Variants in BAD observed in about 807,000 individuals in gnomAD.
BAD encodes bcl2-associated agonist of cell death.
Under a neutral mutation model 17.8 loss-of-function variants are expected in BAD, and 18 were observed. The observed-to-expected ratio is 1.01, with a 90% CI of 0.70 to 1.50. The LOEUF is 1.50. Among genes scored for constraint, BAD ranks in the 40% most tolerant of loss-of-function variants. BAD has a pLI of 0.00. For synonymous variants in BAD, 112 were observed against 91.5 expected (o/e 1.22, Z -1.28); for missense variants, 294 against 239.3 (o/e 1.23, Z -1.51).
chr11:64,276,757 G>A (rs1399877777), intron 2 of BAD: 10 of 592,380 alleles, frequency 1.7e-5, no homozygotes, highest in African/African-American at 1.7e-4. Context: ...GGGAAGGGAA[G>A]GGGTGTGGCT....
Position 64,269,944 on chromosome 11 carries a change from G to T in BAD, c.*265C>A. 1 of 721,388 alleles carries T rather than the reference G, an allele frequency of 1.4e-6. No homozygotes were observed. The highest frequency in any genetic ancestry group is 2.4e-6 in the Non-Finnish European group (1 of 408,538). 44.7% of individuals were successfully genotyped at this position (721,388 alleles called of 1,614,324 possible). On this transcript the variant is annotated 3_prime_UTR_variant, in exon 4 of 4. Transcript: ENST00000309032. ...TAAACCTGGCTCGCGACTTAGCGCA[G>T]GCGCCTGGGGGAAAGCCCGGAGCCT... is the stretch of plus-strand genomic sequence containing the variant.
intron 2 of BAD, among the ~76,000 whole-genome samples, chr11:64,272,302 G>C (rs1297619050): frequency 6.6e-6 from 1 of 151,316 alleles, no homozygotes; most frequent in Non-Finnish European, 1.5e-5. Context: ...CTGGGCGACA[G>C]GCTTTTTTTC....
At chr11:64,278,397 A>AAT (rs1290934070) in intron 2 of BAD, among the ~76,000 whole-genome samples, 12 of 148,180 alleles carry the variant, frequency 8.1e-5, no homozygotes, top group East Asian at 2.0e-4. Flanking sequence ...TTTATATATA[A>AAT]ATATATATAT....
rs981928957 is a variant in BAD at position 64,284,652 on chromosome 11, C to T, written c.-30G>A. 59 of 1,533,680 alleles carry T rather than the reference C, an allele frequency of 3.8e-5. No homozygotes were observed. Among genetic ancestry groups the T allele is most frequent in the African/African-American group, 1.1e-4 (8 of 73,012 alleles). On this transcript the variant is annotated 5_prime_UTR_variant, in exon 1 of 4. Coordinates refer to ENST00000309032, the MANE Select transcript of BAD (RefSeq NM_032989.3). Reference sequence around the variant, plus strand: ...TCACCCCAAGCCCGATCTCGAGGCCCCTGACCCGGGCCTGCCGCCTCCCTC... The same window carrying T: ...TCACCCCAAGCCCGATCTCGAGGCCTCTGACCCGGGCCTGCCGCCTCCCTC...
chr11:64,270,104 C>A lies in BAD; in HGVS notation c.*105G>T. ...AGCCCTCCCTCCAAAGGAGACAGCA[C>A]GGATCCTCTTTTTGCATAGGCCTGA... On this transcript the variant is annotated 3_prime_UTR_variant, in exon 4 of 4. Transcript: ENST00000309032. 6.4e-7 allele frequency: 1 copy of A among 1,557,170 alleles called. No homozygotes were observed. Among genetic ancestry groups the A allele is most frequent in the Non-Finnish European group, 8.8e-7 (1 of 1,140,946 alleles).
chr11:64,284,609 G>C (rs1057435606), intron 1 of BAD, 22 bp downstream of exon 1: 8 of 1,503,446 alleles, frequency 5.3e-6, no homozygotes, highest in Non-Finnish European at 7.1e-6. Flanking sequence ...CCCCGCCCGT[G>C]GTGACGGCGC....
chr11:64,279,676 T>C (rs1402820625), intron 2 of BAD, among the ~76,000 whole-genome samples: 1 of 145,282 alleles, frequency 6.9e-6, no homozygotes. Context: ...GGCAGGAGAA[T>C]GGCATGAACC....
At chr11:64,277,413 A>T (rs556788580) in intron 2 of BAD, among the ~76,000 whole-genome samples, 1 of 152,194 alleles carries the variant, frequency 6.6e-6, no homozygotes, top group South Asian at 2.1e-4. Flanking sequence ...ATCAGAAAGT[A>T]CTCTAAAGTT....
At position 64,271,694 on chromosome 11, in the gene BAD, C is replaced by A; in HGVS notation, c.297G>T (p.Ser99=). 1 of 1,470,166 alleles carries A rather than the reference C, an allele frequency of 6.8e-7. No individual in the cohort carries two copies. Among genetic ancestry groups the A allele is most frequent in the Non-Finnish European group, 9.0e-7 (1 of 1,112,712 alleles). The allele number at this position is 1,470,166 out of a possible 1,614,324, so 91.1% of individuals were successfully genotyped here. ...GTGCTGCCCAGAGGTTGGGGGGCGC[C>A]GAGCGCGAGCGGCCCCGAAAGGGGC... is the stretch of plus-strand genomic sequence containing the variant. The part of the protein sequence containing the change: ...EPSPFRGRSR[S]APPNLWAAQR... The change falls in exon 3 of 4, where the codon TCG becomes TCT. Residue 99 remains serine (S), a synonymous_variant. Transcript: ENST00000309032.
chr11:64,275,488 G>A (rs535834416), intron 2 of BAD, among the ~76,000 whole-genome samples: 1 of 152,198 alleles, frequency 6.6e-6, no homozygotes, highest in East Asian at 1.9e-4. Flanking sequence ...TGCCAGGATC[G>A]CCATGACAAC....
intron 2 of BAD, among the ~76,000 whole-genome samples, chr11:64,278,513 A>C (rs990571392): frequency 6.6e-6 from 1 of 152,060 alleles, no homozygotes; most frequent in African/African-American, 2.4e-5. Flanking sequence ...TTAACTCATC[A>C]GGTCCTCGCC....
intron 2 of BAD, among the ~76,000 whole-genome samples, chr11:64,283,871 G>A (rs2033652283): frequency 6.6e-6 from 1 of 152,168 alleles, no homozygotes; most frequent in South Asian, 2.1e-4. Flanking sequence ...CTGGGCTCAA[G>A]CGATCCTCCT....
At chr11:64,271,581 C>T (rs1293493342) in intron 3 of BAD, 32 bp downstream of exon 3, 1 of 1,392,716 alleles carries the variant, frequency 7.2e-7, no homozygotes, top group African/African-American at 1.5e-5. Flanking sequence ...CCTGGTACTT[C>T]AGGTCCTGGC....
intron 2 of BAD, among the ~76,000 whole-genome samples, chr11:64,272,293 T>C (rs2135095366): frequency 6.6e-6 from 1 of 150,620 alleles, no homozygotes; most frequent in East Asian, 2.0e-4. Context: ...CACTCCAGCC[T>C]GGGCGACAGG....
intron 3 of BAD, among the ~76,000 whole-genome samples, chr11:64,270,872 A>G (rs963385188): frequency 4.1e-5 from 6 of 146,728 alleles, no homozygotes; most frequent in Non-Finnish European, 9.2e-5. Flanking sequence ...AGTGGGATCT[A>G]GACTACAGAT....
intron 2 of BAD, chr11:64,276,887 A>G: frequency 1.3e-6 from 1 of 753,398 alleles, no homozygotes; most frequent in South Asian, 1.4e-5. Context: ...GAAGTGCCCC[A>G]GGCCCCAGCA....
rs748571587 is a variant in BAD, at chr11:64,269,865, G to T, written c.*344C>A. On this transcript the variant is annotated 3_prime_UTR_variant, in exon 4 of 4. Coordinates refer to ENST00000309032, the MANE Select transcript of BAD (RefSeq NM_032989.3). The stretch of plus-strand genomic sequence containing the variant: ...ACGCGGGCTTTATTAACATTTGGTA[G>T]TGAGCACGGCCCCCAGGGCATCGCG... 1 of 698,372 alleles carries T rather than the reference G, an allele frequency of 1.4e-6. No individual in the cohort carries two copies. The highest frequency in any genetic ancestry group is 2.6e-6 in the Non-Finnish European group (1 of 384,130). 43.3% of individuals were successfully genotyped at this position (698,372 alleles called of 1,614,324 possible). A position where few individuals can be genotyped will look rare whatever the true frequency, so the allele number is the denominator to read the frequency against.
chr11:64,276,703 G>C (rs1591154494), intron 2 of BAD: 2 of 545,026 alleles, frequency 3.7e-6, no homozygotes, highest in East Asian at 6.3e-5. Flanking sequence ...CCTGGGGGAA[G>C]GAGAGGGCTG....
chr11:64,284,598 G>A, intron 1 of BAD, 33 bp downstream of exon 1: 1 of 1,498,826 alleles, frequency 6.7e-7, no homozygotes, highest in Non-Finnish European at 8.9e-7. Flanking sequence ...CCCAGGCCCC[G>A]CCCCGCCCGT....
Sources: gnomAD v4.1 joint callset for allele counts (sites outside exome capture counted in the v4.1 genomes callset) on GRCh38, gnomAD v4.1.1 for gene constraint, MANE v1.5 for transcripts, NCBI Gene and HGNC (gene_info 2026-07-23, HGNC 2026-07-21) for gene names.